STAC: variants seen among roughly 807,000 people sequenced by gnomAD.
The protein encoded by STAC is SH3 and cysteine-rich domain-containing protein.
A neutral mutation model predicts 48.8 loss-of-function variants in STAC; 43 were observed. That is an observed-to-expected ratio of 0.88 (90% CI 0.69 to 1.14). The LOEUF (loss-of-function observed/expected upper bound fraction) is 1.14, where lower values mean the gene tolerates loss of function less well. Ranked by LOEUF, STAC falls within the 50% of genes most tolerant of loss-of-function variation. The pLI is 0.00. For missense variants in STAC, 497 were observed against 504.0 expected (o/e 0.99, Z 0.13); for synonymous variants, 193 against 179.5 (o/e 1.07, Z -0.60).
chr3:36,494,168 A>G (rs986515839), intron 6 of STAC, among the ~76,000 whole-genome samples: 12 of 151,346 alleles, frequency 7.9e-5, no homozygotes, highest in African/African-American at 1.7e-4. Flanking sequence ...AAAAAAAAAA[A>G]AAAAAAGAAA....
At chr3:36,450,968 C>T (rs1057081995) in intron 2 of STAC, among the ~76,000 whole-genome samples, 8 of 152,148 alleles carry the variant, frequency 5.3e-5, no homozygotes, top group Non-Finnish European at 7.4e-5. Context: ...GTAAGTGCTT[C>T]TTTTGAAAAT....
intron 2 of STAC, among the ~76,000 whole-genome samples, chr3:36,463,885 A>G (rs1697090943): frequency 6.6e-6 from 1 of 152,080 alleles, no homozygotes; most frequent in African/African-American, 2.4e-5. Context: ...TCCATGATGT[A>G]TATGTGCCAC....
intron 10 of STAC, 62 bp from the exon 11 acceptor site, chr3:36,546,129 G>C: frequency 7.1e-7 from 1 of 1,406,984 alleles, no homozygotes; most frequent in Non-Finnish European, 1.0e-6. Context: ...TCAAGCTGCA[G>C]GTTCTAACTT....
intron 8 of STAC, among the ~76,000 whole-genome samples, chr3:36,518,759 T>C (rs9861751): frequency 0.1 from 15,207 of 152,224 alleles, 995 homozygotes; most frequent in East Asian, 0.27. Context: ...TTCAAAGCAC[T>C]ACTTTAAAAA....
At chr3:36,408,732 G>A (rs796260276) in intron 1 of STAC, among the ~76,000 whole-genome samples, 10 of 152,294 alleles carry the variant, frequency 6.6e-5, no homozygotes, top group African/African-American at 2.4e-4. Context: ...CTGGAATGAG[G>A]AAGGCAAAGT....
intron 6 of STAC, among the ~76,000 whole-genome samples, chr3:36,495,076 G>T (rs75366263): frequency 1.9e-3 from 284 of 152,276 alleles, no homozygotes; most frequent in African/African-American, 6.5e-3. Flanking sequence ...TTGGCCCATT[G>T]TTGCTCTGGA....
intron 1 of STAC, among the ~76,000 whole-genome samples, chr3:36,421,921 C>A (rs1478375320): frequency 4.6e-5 from 7 of 151,886 alleles, no homozygotes; most frequent in Admixed American, 6.6e-5. Context: ...AGCTTTCATA[C>A]CTTATTTTGA....
At chr3:36,400,334 G>A (rs920379108) in intron 1 of STAC, among the ~76,000 whole-genome samples, 6 of 152,140 alleles carry the variant, frequency 3.9e-5, no homozygotes, top group South Asian at 2.1e-4. Context: ...ATAACTATTC[G>A]AGAGCCTTAA....
intron 10 of STAC, among the ~76,000 whole-genome samples, chr3:36,532,084 C>A (rs1699085475): frequency 6.6e-6 from 1 of 152,106 alleles, no homozygotes; most frequent in South Asian, 2.1e-4. Flanking sequence ...CTCAACTTTG[C>A]ACATGTGTAC....
chr3:36,540,844 T>C (rs1302805544), intron 10 of STAC, among the ~76,000 whole-genome samples: 1 of 152,190 alleles, frequency 6.6e-6, no homozygotes, highest in Non-Finnish European at 1.5e-5. Context: ...AACTGTGATA[T>C]AATAAATGGT....
At chr3:36,429,938 A>C (rs983428845) in intron 1 of STAC, among the ~76,000 whole-genome samples, 1 of 152,222 alleles carries the variant, frequency 6.6e-6, no homozygotes, top group Non-Finnish European at 1.5e-5. Context: ...CTTGGAGAGG[A>C]GAGATGAATA....
intron 8 of STAC, among the ~76,000 whole-genome samples, chr3:36,518,482 A>ATT (rs1248538729): frequency 6.6e-6 from 1 of 152,226 alleles, no homozygotes; most frequent in Non-Finnish European, 1.5e-5. Flanking sequence ...CTCTTTCAGT[A>ATT]TTATTAAATC....
At chr3:36,423,512 A>T (rs1010406174) in intron 1 of STAC, among the ~76,000 whole-genome samples, 10 of 151,712 alleles carry the variant, frequency 6.6e-5, no homozygotes, top group Non-Finnish European at 8.8e-5. Flanking sequence ...ATACAGAAAA[A>T]TATACATTGT....
At chr3:36,411,776 C>T (rs796289666) in intron 1 of STAC, among the ~76,000 whole-genome samples, 51 of 152,242 alleles carry the variant, frequency 3.3e-4, no homozygotes, top group Non-Finnish European at 5.7e-4. Context: ...GAGTGGGTCA[C>T]GAGCATGGCT....
chr3:36,399,517 GGT>G (rs898791732), intron 1 of STAC, among the ~76,000 whole-genome samples: 1 of 152,052 alleles, frequency 6.6e-6, no homozygotes, highest in Non-Finnish European at 1.5e-5. Context: ...TTTCAGGGAG[GGT>G]GTTTCCTCTC....
chr3:36,505,796 C>A lies in STAC; in HGVS notation c.882C>A (p.Tyr294Ter). Reference protein sequence around the residue: ...PLQMNTYVALYKFVPQENEDL... With the variant: ...PLQMNTYVAL ...AGATGAACACCTATGTTGCCTTGTA[C>A]AAATTTGTACCACAGGAGAATGAAG... The change falls in exon 8 of 11, where the codon TAC becomes TAA. Residue 294 changes from tyrosine to a stop codon, truncating the protein, a stop_gained. Transcript: ENST00000273183. LOFTEE classifies it high-confidence loss of function. The A allele has an allele frequency of 4.4e-6, 7 of 1,607,268 alleles. No individual in the cohort carries two copies. In the South Asian group the frequency reaches 7.8e-5, roughly 18 times the overall value.
chr3:36,466,433 T>C (rs1697174222), intron 2 of STAC, among the ~76,000 whole-genome samples: 1 of 152,184 alleles, frequency 6.6e-6, no homozygotes, highest in South Asian at 2.1e-4. Context: ...TCTAGTTCTG[T>C]GAAGAATGGT....
At chr3:36,488,971 C>A (rs950003632) in intron 5 of STAC, among the ~76,000 whole-genome samples, 2 of 152,148 alleles carry the variant, frequency 1.3e-5, no homozygotes, top group African/African-American at 4.8e-5. Flanking sequence ...CCCCTGAACT[C>A]CCCAAGCCCT....
At chr3:36,446,164 T>C (rs1408845392) in intron 2 of STAC, among the ~76,000 whole-genome samples, 1 of 152,220 alleles carries the variant, frequency 6.6e-6, no homozygotes. Context: ...GCAGGCACCG[T>C]GGCATGCCCT....
Sources: allele counts gnomAD v4.1 joint callset (sites outside exome capture counted in the v4.1 genomes callset), GRCh38; gene constraint gnomAD v4.1.1; transcripts MANE v1.5; gene names NCBI Gene and HGNC (gene_info 2026-07-23, HGNC 2026-07-21).